Variants in PTPRO observed in about 807,000 individuals in gnomAD.
PTPRO encodes protein tyrosine phosphatase receptor type O.
In PTPRO, 62 loss-of-function variants were observed where a neutral mutation model predicts 145.2. The ratio of observed to expected loss-of-function variants is 0.43; its 90% confidence interval spans 0.35 to 0.53. The LOEUF (loss-of-function observed/expected upper bound fraction) is 0.53. Among genes scored for constraint, PTPRO ranks in the 20% least tolerant of loss-of-function variants. PTPRO has a pLI of 0.01. For missense variants in PTPRO, 1,345 were observed against 1,482.7 expected (o/e 0.91, Z 1.53); for synonymous variants, 565 against 514.7 (o/e 1.10, Z -1.32).
In PTPRO at chr12:15,437,915, G is replaced by A. The variant is rs113931536; in HGVS notation, c.76-46059G>A. On this transcript the variant is annotated intron_variant, in intron 1 of 26. Coordinates refer to ENST00000281171, the MANE Select transcript of PTPRO (RefSeq NM_030667.3). ...TTATGGCTCCTACCCCCACAGTGCT[G>A]AGCAGGGACCTCAGACCAATGTGTA... 7.2e-5 allele frequency among the ~76,000 whole-genome samples: 11 copies of A among 152,306 alleles called. 1 individual carries two copies. The highest frequency in any genetic ancestry group is 2.6e-4 in the African/African-American group (11 of 41,564).
At chr12:15,392,346 T>C (rs1939210334) in intron 1 of PTPRO, among the ~76,000 whole-genome samples, 1 of 152,188 alleles carries the variant, frequency 6.6e-6, no homozygotes, top group Non-Finnish European at 1.5e-5. Flanking sequence ...ATAGCCATAT[T>C]CTTGAAGAAT....
At chr12:15,540,666 C>T (rs748081388) in intron 12 of PTPRO, among the ~76,000 whole-genome samples, 3 of 152,240 alleles carry the variant, frequency 2.0e-5, no homozygotes, top group Admixed American at 1.3e-4. Flanking sequence ...TTACATCTGA[C>T]TATTCCCTTT....
chr12:15,530,512 A>G (rs1016487010), intron 12 of PTPRO, among the ~76,000 whole-genome samples: 2 of 152,200 alleles, frequency 1.3e-5, no homozygotes, highest in Non-Finnish European at 2.9e-5. Flanking sequence ...AAAAGTACAT[A>G]TCATATCAAG....
intron 1 of PTPRO, among the ~76,000 whole-genome samples, chr12:15,367,089 C>T (rs1432821389): frequency 6.6e-6 from 1 of 152,160 alleles, no homozygotes; most frequent in Non-Finnish European, 1.5e-5. Flanking sequence ...AATGTCATCA[C>T]AGCTACAGTT....
At chr12:15,360,602 T>C (rs1469735779) in intron 1 of PTPRO, among the ~76,000 whole-genome samples, 2 of 151,434 alleles carry the variant, frequency 1.3e-5, no homozygotes, top group East Asian at 1.9e-4. Context: ...TTAGTATCTC[T>C]CTTTCTCTCT....
intron 1 of PTPRO, among the ~76,000 whole-genome samples, chr12:15,456,953 T>G (rs755225699): frequency 5.3e-5 from 8 of 152,200 alleles, no homozygotes; most frequent in Non-Finnish European, 1.0e-4. Context: ...TATTATATAT[T>G]TCATTTGGTT....
chr12:15,430,471 G>A (rs951465732), intron 1 of PTPRO, among the ~76,000 whole-genome samples: 2 of 152,062 alleles, frequency 1.3e-5, no homozygotes, highest in Admixed American at 6.5e-5. Context: ...GTACAGAAGG[G>A]TTCTGAAATG....
rs35515527 is a variant in PTPRO, at chr12:15,416,721, C to CTT, written c.76-67239_76-67238dup. Among the ~76,000 whole-genome samples, 26 of 141,974 alleles carry CTT rather than the reference C, an allele frequency of 1.8e-4. No individual in the cohort carries two copies. In the East Asian group the frequency reaches 1.8e-3, roughly 10 times the overall value. The allele number at this position is 141,974 out of a possible 152,430, so 93.1% of individuals were successfully genotyped here. ...CTATCAGTGGTTTTGCCACTTCCTT[C>CTT]TTTTTTTTTTTTTTTCCCCACCAAC... On this transcript the variant is annotated intron_variant, in intron 1 of 26. Transcript: ENST00000281171.
chr12:15,567,559 C>G (rs1001429480), intron 18 of PTPRO, among the ~76,000 whole-genome samples: 7 of 151,952 alleles, frequency 4.6e-5, no homozygotes, highest in African/African-American at 1.5e-4. Flanking sequence ...CCCATTAATA[C>G]TTTGTCTGGT....
intron 1 of PTPRO, among the ~76,000 whole-genome samples, chr12:15,418,314 C>T (rs1054322973): frequency 1.3e-4 from 20 of 151,740 alleles, no homozygotes; most frequent in African/African-American, 4.4e-4. Flanking sequence ...GCTTTGTTAA[C>T]TCCATAATTT....
chr12:15,331,379 G>C (rs1195253482), intron 1 of PTPRO, among the ~76,000 whole-genome samples: 3 of 152,176 alleles, frequency 2.0e-5, no homozygotes, highest in Non-Finnish European at 4.4e-5. Context: ...TATCTGATAA[G>C]AGCATAGGTG....
intron 23 of PTPRO, among the ~76,000 whole-genome samples, chr12:15,582,370 G>A (rs772644373): frequency 1.3e-5 from 2 of 152,244 alleles, no homozygotes; most frequent in African/African-American, 2.4e-5. Context: ...GGAAGTGCTG[G>A]GAGACCAACC....
intron 1 of PTPRO, among the ~76,000 whole-genome samples, chr12:15,412,782 GTTTTGTTTTTGT>G (rs551140036): frequency 1.7e-4 from 26 of 151,940 alleles, no homozygotes; most frequent in Non-Finnish European, 3.4e-4. Flanking sequence ...TGTTGTTGTT[GTTTTGTTTTTGT>G]TTTTGTTTTT....
chr12:15,330,363 T>A (rs1190636525), intron 1 of PTPRO, among the ~76,000 whole-genome samples: 1 of 152,182 alleles, frequency 6.6e-6, no homozygotes, highest in Non-Finnish European at 1.5e-5. Flanking sequence ...AATTTCTTGG[T>A]AACCAACCCT....
Position 15,468,279 on chromosome 12 carries a change from A to G in PTPRO, c.76-15695A>G, listed in dbSNP as rs529586893. 5.3e-5 allele frequency among the ~76,000 whole-genome samples: 8 copies of G among 152,320 alleles called. No homozygotes were observed. The East Asian group carries it at 1.3e-3, about 26-fold the overall frequency. On this transcript the variant is annotated intron_variant, in intron 1 of 26. Transcript: ENST00000281171. ...GTAACATCATAAAGTTTTTGCTTCT[A>G]TTACAGAAGGTAAATCAGATCATCC...
chr12:15,495,186 A>T (rs1942075427), intron 2 of PTPRO, among the ~76,000 whole-genome samples: 1 of 151,956 alleles, frequency 6.6e-6, no homozygotes, highest in Admixed American at 6.6e-5. Context: ...CACATAGTCT[A>T]CAGTGACATG....
chr12:15,413,683 C>G (rs571290845), intron 1 of PTPRO, among the ~76,000 whole-genome samples: 5 of 151,940 alleles, frequency 3.3e-5, no homozygotes, highest in Non-Finnish European at 5.9e-5. Flanking sequence ...GGCATGGTAG[C>G]GCACACCTGT....
intron 1 of PTPRO, among the ~76,000 whole-genome samples, chr12:15,369,345 A>G (rs914157495): frequency 4.6e-5 from 7 of 152,182 alleles, no homozygotes; most frequent in Non-Finnish European, 1.0e-4. Flanking sequence ...GTCTTCAACC[A>G]GTTTCTCATT....
intron 1 of PTPRO, among the ~76,000 whole-genome samples, chr12:15,454,163 T>G (rs375713681): frequency 1.3e-5 from 2 of 152,214 alleles, no homozygotes; most frequent in Admixed American, 6.5e-5. Context: ...ATAGTTTTCA[T>G]AGATGCAGCA....
Sources: gnomAD v4.1 joint callset for allele counts (sites outside exome capture counted in the v4.1 genomes callset) on GRCh38, gnomAD v4.1.1 for gene constraint, MANE v1.5 for transcripts, NCBI Gene and HGNC (gene_info 2026-07-23, HGNC 2026-07-21) for gene names.